OSR1: variants seen among roughly 807,000 people sequenced by gnomAD.
OSR1 encodes the protein protein odd-skipped-related 1.
Under a neutral mutation model 15.7 loss-of-function variants are expected in OSR1, and 3 were observed. That is an observed-to-expected ratio of 0.19 (90% confidence interval 0.09 to 0.50). The LOEUF (loss-of-function observed/expected upper bound fraction) is 0.50, where lower values mean the gene tolerates loss of function less well. Among genes scored for constraint, OSR1 ranks in the 20% least tolerant of loss-of-function variants. The pLI is 0.97. For missense variants in OSR1, 271 were observed against 351.1 expected (o/e 0.77, Z 1.82); for synonymous variants, 166 against 152.7 (o/e 1.09, Z -0.64).
At chr2:19,354,057 G>A in intron 1 of OSR1, 1 of 501,270 alleles carries the variant, frequency 2.0e-6, no homozygotes. Flanking sequence ...TGGTCTAAGG[G>A]CTCCCTCCAA....
Position 19,353,280 on chromosome 2 carries a change from C to T in OSR1, c.526G>A (p.Val176Ile). Reference sequence around the variant, plus strand: ...AAGTGGCGGCCACAGAACTTGCAGACGAATTCCTTCTTGGTCTTGGAAGGC... The same window carrying T: ...AAGTGGCGGCCACAGAACTTGCAGATGAATTCCTTCTTGGTCTTGGAAGGC... ...RLPSKTKKEF[V>I]CKFCGRHFTK... The change falls in exon 2 of 3, where the codon GTC becomes ATC. Residue 176 changes from valine to isoleucine, a missense_variant. Val to Ile is a conservative substitution (Grantham distance 29). Around this residue, in one of 4 missense-constraint regions of OSR1, gnomAD observed 32 missense variants for 66.8 expected, o/e 0.48. Transcript: ENST00000272223. 6.2e-7 allele frequency: 1 copy of T among 1,614,208 alleles called. No homozygotes were observed. The highest frequency in any genetic ancestry group is 8.5e-7 in the Non-Finnish European group (1 of 1,180,048).
Position 19,353,368 on chromosome 2 carries a change from C to G in OSR1, c.438G>C (p.Gly146=), listed in dbSNP as rs746416465. 1.2e-6 allele frequency: 2 copies of G among 1,614,194 alleles called. No homozygotes were observed. Among genetic ancestry groups the G allele is most frequent in the South Asian group, 2.2e-5 (2 of 91,092 alleles). ...TGGTCACGTCGAGGAGGGCACCCAG[C>G]CCACCTGCAGGGGAGCCTGGGCCCT... ...RGEGPGSPAG[G]LGALLDVTKL... The change falls in exon 2 of 3, where the codon GGG becomes GGC. Residue 146 remains glycine, a synonymous_variant. Coordinates refer to ENST00000272223, the MANE Select transcript of OSR1 (RefSeq NM_145260.3).
At chr2:19,353,952 G>T in intron 1 of OSR1, 115 bp from the exon 2 acceptor site, 1 of 875,264 alleles carries the variant, frequency 1.1e-6, no homozygotes, top group Non-Finnish European at 1.7e-6. Flanking sequence ...CAGCGCAGGA[G>T]CTAAGAGTCT....
At chr2:19,355,932 C>T (rs1191660875) in intron 1 of OSR1, 1 of 152,330 alleles carries the variant, frequency 6.6e-6, no homozygotes, top group Non-Finnish European at 1.5e-5. Context: ...GCCTGTCTAA[C>T]TTCAAAGGTC....
At chr2:19,356,495 TC>T (rs1192722581) in intron 1 of OSR1, 1 of 152,242 alleles carries the variant, frequency 6.6e-6, no homozygotes, top group Non-Finnish European at 1.5e-5. Context: ...GAAAGCACGA[TC>T]CGGTTTCAGG....
downstream of OSR1, among the ~76,000 whole-genome samples, chr2:19,349,634 T>G (rs904413640): frequency 6.6e-6 from 1 of 152,196 alleles, no homozygotes; most frequent in Non-Finnish European, 1.5e-5. Flanking sequence ...TCACCGCATT[T>G]GTAGCTTCCT....
chr2:19,352,718 G>A (rs1008631250), intron 2 of OSR1, among the ~76,000 whole-genome samples: 1 of 152,242 alleles, frequency 6.6e-6, no homozygotes, highest in African/African-American at 2.4e-5. Flanking sequence ...GCTGGGGTCG[G>A]ACAATTTGCT....
At chr2:19,345,050 G>A in the OSR1 span, among the ~76,000 whole-genome samples, 3 of 151,936 alleles carry the variant, frequency 2.0e-5, no homozygotes, top group African/African-American at 7.3e-5. Flanking sequence ...TATAATTTTT[G>A]TATATATGTA....
chr2:19,347,408 A>G (rs1664750673), downstream of OSR1, among the ~76,000 whole-genome samples: 1 of 152,256 alleles, frequency 6.6e-6, no homozygotes, highest in South Asian at 2.1e-4. Flanking sequence ...CTAGTGAAGC[A>G]CAGGGACTTC....
chr2:19,356,998 T>G (rs1664962871), intron 1 of OSR1: 1 of 152,190 alleles, frequency 6.6e-6, no homozygotes, highest in Non-Finnish European at 1.5e-5. Context: ...AGCCTTGACA[T>G]CGAATCTCCA....
downstream of OSR1, among the ~76,000 whole-genome samples, chr2:19,347,665 G>C (rs1664754947): frequency 6.6e-6 from 1 of 152,186 alleles, no homozygotes; most frequent in Non-Finnish European, 1.5e-5. Context: ...GCGTTCCACC[G>C]GGCTGAAGAC....
rs774483115 is a variant in OSR1 at position 19,352,233 on chromosome 2, A to T, written c.*42T>A. ...CAGGCTTCTGGTCCCTATGGAGGAG[A>T]GGGCCGCTGGGCCTAGGGTCCTTGT... On this transcript the variant is annotated 3_prime_UTR_variant, in exon 3 of 3. Transcript: ENST00000272223. 2.5e-6 allele frequency: 4 copies of T among 1,607,238 alleles called. No homozygotes were observed. The South Asian group carries it at 4.4e-5, about 18-fold the overall frequency.
At chr2:19,348,151 C>T (rs1664771665), downstream of OSR1, among the ~76,000 whole-genome samples, 1 of 152,038 alleles carries the variant, frequency 6.6e-6, no homozygotes, top group Non-Finnish European at 1.5e-5. Context: ...CAACTGCTGC[C>T]CTGAAACCCC....
chr2:19,357,066 T>G lies in OSR1; in HGVS notation c.-33+1275A>C, dbSNP rs1664964483. 6.6e-6 allele frequency among the ~76,000 whole-genome samples: 1 copy of G among 152,008 alleles called. No homozygotes were observed. Among genetic ancestry groups the G allele is most frequent in the Non-Finnish European group, 1.5e-5 (1 of 68,002 alleles). On this transcript the variant is annotated intron_variant, in intron 1 of 2. Transcript: ENST00000272223. The surrounding 1 kb of genome is among the most constrained non-coding windows in gnomAD (Gnocchi z 5.0). ...AGAGGACTGACCGGCACCGGATACT[T>G]CTATAGCATTCTCCCAACAAACGAG... is the stretch of plus-strand genomic sequence containing the variant.
intron 1 of OSR1, chr2:19,356,779 C>A (rs897305440): frequency 3.3e-5 from 5 of 152,440 alleles, no homozygotes; most frequent in Admixed American, 2.6e-4. Context: ...CTGCGCAGTG[C>A]GGGCACTCGC....
At chr2:19,347,273 T>C (rs547801940), downstream of OSR1, among the ~76,000 whole-genome samples, 1 of 152,292 alleles carries the variant, frequency 6.6e-6, no homozygotes, top group South Asian at 2.1e-4. Flanking sequence ...TACAACACAT[T>C]AGGGTAGTTT....
chr2:19,353,715 G>A lies in OSR1; in HGVS notation c.91C>T (p.Pro31Ser). Reference protein sequence around the residue: ...YSFLQAVNGLPTVPSDHLPNL... With the variant: ...YSFLQAVNGLSTVPSDHLPNL... Reference sequence around the variant, plus strand: ...GGCAGATGGTCCGAAGGCACTGTGGGCAGGCCGTTCACTGCCTGAAGGAAG... The same window carrying A: ...GGCAGATGGTCCGAAGGCACTGTGGACAGGCCGTTCACTGCCTGAAGGAAG... Residue 31 changes from proline (P) to serine (S), a missense_variant, in exon 2 of 3, where the codon CCC becomes TCC. Pro to Ser is a moderately conservative substitution (Grantham distance 74). This residue lies in a region of OSR1 where 210 missense variants were observed against 218.4 expected (regional missense o/e 0.96). Coordinates refer to ENST00000272223, the MANE Select transcript of OSR1 (RefSeq NM_145260.3). 2 of 1,614,152 alleles carry A rather than the reference G, an allele frequency of 1.2e-6. No individual in the cohort carries two copies. The highest frequency in any genetic ancestry group is 3.3e-4 in the Middle Eastern group (2 of 6,060).
In OSR1 at chr2:19,353,369, C is replaced by T. The variant is rs1179360144; in HGVS notation, c.437G>A (p.Gly146Glu). Residue 146 changes from glycine (G) to glutamate (E), a missense_variant, in exon 2 of 3, where the codon GGG becomes GAG. By Grantham distance (98) the Gly-to-Glu change is moderately conservative. Coordinates refer to ENST00000272223, the MANE Select transcript of OSR1 (RefSeq NM_145260.3). ...GGTCACGTCGAGGAGGGCACCCAGCCCACCTGCAGGGGAGCCTGGGCCCTC... is the reference window on the plus strand; with the variant it reads ...GGTCACGTCGAGGAGGGCACCCAGCTCACCTGCAGGGGAGCCTGGGCCCTC... ...RGEGPGSPAG[G>E]LGALLDVTKL... 2 of 1,614,200 alleles carry T rather than the reference C, an allele frequency of 1.2e-6. No individual in the cohort carries two copies. Among genetic ancestry groups the T allele is most frequent in the South Asian group, 1.1e-5 (1 of 91,092 alleles).
intron 1 of OSR1, chr2:19,354,073 G>A (rs1664899920): frequency 4.3e-6 from 2 of 460,508 alleles, no homozygotes; most frequent in South Asian, 3.6e-5. Flanking sequence ...TCCAAATGGC[G>A]TCTGGCAGAG....
Sources: gnomAD v4.1 joint callset for allele counts (sites outside exome capture counted in the v4.1 genomes callset) on GRCh38, gnomAD v4.1.1 for gene constraint, gnomAD v4.1.1 regional missense constraint, Gnocchi (gnomAD v3.1) non-coding constraint, MANE v1.5 for transcripts, NCBI Gene and HGNC (gene_info 2026-07-23, HGNC 2026-07-21) for gene names.